Variants in TENT4B observed in about 807,000 individuals in gnomAD.
TENT4B encodes the protein terminal nucleotidyltransferase 4B.
Under a neutral mutation model 75.0 loss-of-function variants are expected in TENT4B, and 10 were observed. The ratio of observed to expected loss-of-function variants is 0.13; its 90% CI spans 0.08 to 0.23. TENT4B has a LOEUF of 0.23. Ranked by LOEUF, TENT4B falls within the 10% of genes least tolerant of loss-of-function variation. The pLI is 1.00. For synonymous variants in TENT4B, 350 were observed against 357.7 expected (o/e 0.98, Z 0.24); for missense variants, 579 against 893.8 (o/e 0.65, Z 4.49).
Position 50,154,277 on chromosome 16 carries a change from G to T in TENT4B, c.638+18G>T. 1 of 1,396,432 alleles carries T rather than the reference G, an allele frequency of 7.2e-7. No individual in the cohort carries two copies. The highest frequency in any genetic ancestry group is 1.5e-5 in the African/African-American group (1 of 66,226). The allele number at this position is 1,396,432 out of a possible 1,614,324, so 86.5% of individuals were successfully genotyped here. A position where few individuals can be genotyped will look rare whatever the true frequency, so the allele number is the denominator to read the frequency against. ...GTCGTGGGGTGAGTGCTGGCTCTGC[G>T]GCCCGATGGCCTGGCCGGTGCGAAT... On this transcript the variant is annotated intron_variant, in intron 1 of 11. Transcript: ENST00000561678.
chr16:50,177,801 GTTT>G (rs1310932714), intron 1 of TENT4B, among the ~76,000 whole-genome samples: 2 of 152,008 alleles, frequency 1.3e-5, no homozygotes, highest in African/African-American at 4.8e-5. Flanking sequence ...AGAAAACTAA[GTTT>G]TTAAGTGAAA....
intron 5 of TENT4B, among the ~76,000 whole-genome samples, chr16:50,221,844 T>C (rs528744208): frequency 1.3e-5 from 2 of 151,864 alleles, no homozygotes; most frequent in Admixed American, 1.3e-4. Flanking sequence ...CCTCACTACA[T>C]CCTCTGCCTC....
In TENT4B at chr16:50,189,809, G is replaced by C. The variant is rs1335284559; in HGVS notation, c.639-21514G>C. Among the ~76,000 whole-genome samples the C allele has an allele frequency of 3.3e-5, 5 of 152,040 alleles. No homozygotes were observed. The East Asian group carries it at 9.6e-4, about 29-fold the overall frequency. ...CTCACGTAATCCCAGCACTTTGGGA[G>C]GCCGAGGCAGGCAGATCACTTGAGG... On this transcript the variant is annotated intron_variant, in intron 1 of 11. Coordinates refer to ENST00000561678, the MANE Select transcript of TENT4B (RefSeq NM_001365324.3).
At chr16:50,192,548 G>A (rs1208743847) in intron 1 of TENT4B, among the ~76,000 whole-genome samples, 1 of 152,172 alleles carries the variant, frequency 6.6e-6, no homozygotes, top group Non-Finnish European at 1.5e-5. Flanking sequence ...TCAAGTTACT[G>A]TTGAATATAT....
chr16:50,227,255 T>G (rs918458733), intron 10 of TENT4B, among the ~76,000 whole-genome samples: 2 of 152,188 alleles, frequency 1.3e-5, no homozygotes, highest in African/African-American at 2.4e-5. Context: ...CACAGGGAGA[T>G]GGAGTGTTGG....
At chr16:50,154,868 C>A (rs771634173) in intron 1 of TENT4B, among the ~76,000 whole-genome samples, 1 of 152,116 alleles carries the variant, frequency 6.6e-6, no homozygotes, top group East Asian at 1.9e-4. Context: ...TAAAAAATTC[C>A]CATGTCACAG....
intron 3 of TENT4B, among the ~76,000 whole-genome samples, chr16:50,215,475 T>A (rs2031502331): frequency 6.6e-6 from 1 of 152,174 alleles, no homozygotes; most frequent in Admixed American, 6.5e-5. Context: ...TAATTAAATT[T>A]TATGAATAGG....
In TENT4B at chr16:50,217,618, A is replaced by G. The variant is rs144747444; in HGVS notation, c.993A>G (p.Val331=). The change falls in exon 5 of 12, where the codon GTA becomes GTG. Residue 331 remains valine, a synonymous_variant. Transcript: ENST00000561678. ...TGAAAGTTGATATCAGCTTTAATGT[A>G]CAGAATGGCGTGAGAGCAGCTGACC... is the stretch of plus-strand genomic sequence containing the variant. ...TEVKVDISFN[V]QNGVRAADLI... 3.2e-5 allele frequency: 49 copies of G among 1,536,628 alleles called. No individual in the cohort carries two copies. The African/African-American group carries it at 6.2e-4, about 20-fold the overall frequency.
At chr16:50,157,399 T>A (rs1397546727) in intron 1 of TENT4B, among the ~76,000 whole-genome samples, 1 of 152,240 alleles carries the variant, frequency 6.6e-6, no homozygotes, top group Non-Finnish European at 1.5e-5. Flanking sequence ...TGTTTAACTT[T>A]CCTTTTATTA....
chr16:50,190,962 C>G (rs2038627272), intron 1 of TENT4B, among the ~76,000 whole-genome samples: 1 of 151,998 alleles, frequency 6.6e-6, no homozygotes, highest in Non-Finnish European at 1.5e-5. Context: ...TGAAATCAAC[C>G]AGTATTTATC....
chr16:50,178,326 G>A (rs369879369), intron 1 of TENT4B, among the ~76,000 whole-genome samples: 3 of 151,550 alleles, frequency 2.0e-5, no homozygotes, highest in Non-Finnish European at 2.9e-5. Context: ...GGGTATGGTG[G>A]CATATACCTG....
At chr16:50,219,512 T>G (rs550634966) in intron 5 of TENT4B, among the ~76,000 whole-genome samples, 4 of 152,358 alleles carry the variant, frequency 2.6e-5, no homozygotes, top group Admixed American at 2.6e-4. Context: ...AAAAAGGGAT[T>G]GATGAATATA....
chr16:50,225,929 G>A (rs1197397742), intron 10 of TENT4B, among the ~76,000 whole-genome samples: 4 of 151,580 alleles, frequency 2.6e-5, no homozygotes, highest in Non-Finnish European at 4.4e-5. Context: ...TGATCCACCC[G>A]CCTCAACCTC....
chr16:50,219,426 CAGT>C (rs1469355334), intron 5 of TENT4B, among the ~76,000 whole-genome samples: 1 of 152,116 alleles, frequency 6.6e-6, no homozygotes, highest in Non-Finnish European at 1.5e-5. Flanking sequence ...GTTACACAGG[CAGT>C]AGTCTTTTAT....
rs771925633 is a variant in TENT4B, at chr16:50,229,169, C to T, written c.1983C>T (p.Leu661=). Residue 661 remains leucine, a synonymous_variant, in exon 12 of 12, where the codon CTC becomes CTT. Coordinates refer to ENST00000561678, the MANE Select transcript of TENT4B (RefSeq NM_001365324.3). ...TTCTGCAGCATGGATCAGCAAGGCT[C>T]TTTCGTTCTTCCAGCAAAGGCTTCC... ...TNKSQHGSAR[L]FRSSSKGFQG... is the part of the protein sequence containing the mutation. 35 of 1,613,688 alleles carry T rather than the reference C, an allele frequency of 2.2e-5. No individual in the cohort carries two copies. Among genetic ancestry groups the T allele is most frequent in the Non-Finnish European group, 2.9e-5 (34 of 1,179,828 alleles).
chr16:50,214,063 C>A (rs553391534), intron 2 of TENT4B, among the ~76,000 whole-genome samples, 158 bp from the exon 3 acceptor site: 1 of 152,114 alleles, frequency 6.6e-6, no homozygotes, highest in African/African-American at 2.4e-5. Flanking sequence ...ACAGAATCCC[C>A]GCTTCATGAA....
rs1024052823 is a variant in TENT4B at position 50,153,498 on chromosome 16, AGCAGCAGCAGCG to A, written c.-115_-104del. On this transcript the variant is annotated 5_prime_UTR_variant, in exon 1 of 12. Transcript: ENST00000561678. ...CCCGCGGCGGGCCCCGAGCAGCAGCAGCAGCAGCAGCGGCAGCAGCGGCAGCAGCAGCAGCAG... is the reference window on the plus strand; with the variant it reads ...CCCGCGGCGGGCCCCGAGCAGCAGCAGCAGCAGCGGCAGCAGCAGCAGCAG... The A allele has an allele frequency of 3.9e-5, 38 of 974,634 alleles. No individual in the cohort carries two copies. In the South Asian group the frequency reaches 1.1e-3, roughly 29 times the overall value. 60.4% of individuals were successfully genotyped at this position (974,634 alleles called of 1,614,324 possible).
Position 50,211,442 on chromosome 16 carries a change from C to T in TENT4B, c.758C>T (p.Ala253Val), listed in dbSNP as rs1371664151. 1 of 1,581,944 alleles carries T rather than the reference C, an allele frequency of 6.3e-7. No homozygotes were observed. The highest frequency in any genetic ancestry group is 8.5e-7 in the Non-Finnish European group (1 of 1,170,930). Residue 253 changes from alanine (A) to valine (V), a missense_variant, in exon 2 of 12, where the codon GCT (alanine) becomes GTT (valine). Transcript: ENST00000561678. ...ESVIKELWPS[A>V]DVQIFGSFKT... ...GTAATTAAGGAGCTCTGGCCCAGCG[C>T]TGACGTGAGTCCCTTCCTGGGTAGC...
chr16:50,206,633 G>A (rs1036929720), intron 1 of TENT4B, among the ~76,000 whole-genome samples: 2 of 152,086 alleles, frequency 1.3e-5, no homozygotes, highest in Non-Finnish European at 2.9e-5. Flanking sequence ...GCAGGGGACG[G>A]TGCTGAGCAG....
Sources: gnomAD v4.1 joint callset for allele counts (sites outside exome capture counted in the v4.1 genomes callset) on GRCh38, gnomAD v4.1.1 for gene constraint, MANE v1.5 for transcripts, NCBI Gene and HGNC (gene_info 2026-07-23, HGNC 2026-07-21) for gene names.